The following SRPK1 variants were observed in gnomAD, a reference collection of about 807,000 sequenced individuals.
The protein encoded by SRPK1 is SFRS protein kinase 1.
A neutral mutation model predicts 89.5 loss-of-function variants in SRPK1; 52 were observed. The observed-to-expected ratio is 0.58, with a 90% CI of 0.46 to 0.73. The LOEUF (loss-of-function observed/expected upper bound fraction) is 0.73. SRPK1 is among the 30% of genes least tolerant of loss of function. The pLI, the probability that SRPK1 is intolerant of heterozygous loss-of-function variation, is 0.00. For missense variants in SRPK1, 603 were observed against 780.6 expected (o/e 0.77, Z 2.71); for synonymous variants, 255 against 270.2 (o/e 0.94, Z 0.55).
intron 15 of SRPK1, among the ~76,000 whole-genome samples, chr6:35,836,782 A>AATG (rs1769189102): frequency 6.7e-6 from 1 of 149,778 alleles, no homozygotes; most frequent in Admixed American, 6.7e-5. Context: ...TAATAATAAT[A>AATG]ATAATTTTTT....
intron 4 of SRPK1, among the ~76,000 whole-genome samples, chr6:35,888,371 A>G (rs936688756): frequency 6.6e-6 from 1 of 152,188 alleles, no homozygotes; most frequent in East Asian, 1.9e-4. Context: ...CTTCTTTTGA[A>G]TATCTCCCTG....
intron 2 of SRPK1, among the ~76,000 whole-genome samples, chr6:35,895,908 A>G (rs1770618506): frequency 6.6e-6 from 1 of 152,240 alleles, no homozygotes; most frequent in South Asian, 2.1e-4. Flanking sequence ...AGACAGCTGA[A>G]TAAGTAGAGA....
At position 35,835,216 on chromosome 6, in the gene SRPK1, C is replaced by T. The variant is rs1581984408; in HGVS notation, c.*88G>A. On this transcript the variant is annotated 3_prime_UTR_variant, in exon 16 of 16. Coordinates refer to ENST00000373825, the MANE Select transcript of SRPK1 (RefSeq NM_003137.5). ...GATCTAGAAACTCTTGAAGGAAGAGCTTCACCCTGAAAAGGGAAGAGGAAA... is the reference window on the plus strand; with the variant it reads ...GATCTAGAAACTCTTGAAGGAAGAGTTTCACCCTGAAAAGGGAAGAGGAAA... The T allele has an allele frequency of 1.3e-5, 15 of 1,164,370 alleles. No individual in the cohort carries two copies. The highest frequency in any genetic ancestry group is 3.0e-4 in the Middle Eastern group (1 of 3,360). The allele number at this position is 1,164,370 out of a possible 1,614,324, so 72.1% of individuals were successfully genotyped here. A position where few individuals can be genotyped will look rare whatever the true frequency, so the allele number is the denominator to read the frequency against.
chr6:35,886,872 A>G, intron 5 of SRPK1, 61 bp from the exon 6 acceptor site: 1 of 919,740 alleles, frequency 1.1e-6, no homozygotes, highest in Non-Finnish European at 1.8e-6. Context: ...ACCAGATGGT[A>G]GGGGAAGAAT....
At chr6:35,879,449 G>T (rs1770228596) in intron 6 of SRPK1, among the ~76,000 whole-genome samples, 1 of 152,090 alleles carries the variant, frequency 6.6e-6, no homozygotes, top group Non-Finnish European at 1.5e-5. Context: ...GAAAGGCTGA[G>T]GCAGGAGGAC....
At chr6:35,892,482 T>A (rs1248974627) in intron 2 of SRPK1, among the ~76,000 whole-genome samples, 2 of 152,018 alleles carry the variant, frequency 1.3e-5, no homozygotes, top group Admixed American at 1.3e-4. Context: ...AGAAACCCCA[T>A]CTCTATTAAA....
In SRPK1 at chr6:35,890,971, A is replaced by G; in HGVS notation, c.117T>C (p.Ser39=). Residue 39 remains serine, a synonymous_variant, in exon 3 of 16, where the codon AGT becomes AGC. Coordinates refer to ENST00000373825, the MANE Select transcript of SRPK1 (RefSeq NM_003137.5). ...QHRGSAPHSE[S]DLPEQEEEIL... is the part of the protein sequence containing the mutation. ...TCTCCTCTTCCTGCTCTGGTAGATC[A>G]CTCTCAGAGTGGGGAGCAGAGCCTC... The G allele has an allele frequency of 6.4e-7, 1 of 1,553,358 alleles. No individual in the cohort carries two copies. The highest frequency in any genetic ancestry group is 8.7e-7 in the Non-Finnish European group (1 of 1,147,338).
intron 6 of SRPK1, among the ~76,000 whole-genome samples, chr6:35,878,675 C>G (rs1005403003): frequency 2.0e-5 from 3 of 152,158 alleles, no homozygotes; most frequent in Admixed American, 6.5e-5. Context: ...TTGTAACCCC[C>G]CTCCATTGTT....
chr6:35,900,963 G>A (rs1770728172), intron 2 of SRPK1, among the ~76,000 whole-genome samples: 1 of 152,078 alleles, frequency 6.6e-6, no homozygotes, highest in Admixed American at 6.6e-5. Context: ...AGGCCAGCCT[G>A]AGCAACACAG....
At position 35,875,896 on chromosome 6, in the gene SRPK1, A is replaced by G. The variant is rs367644612; in HGVS notation, c.479-1557T>C. On this transcript the variant is annotated intron_variant, in intron 6 of 15. Transcript: ENST00000373825. ...CAAGTGATCAAACTTACTACCACCA[A>G]TGATAAGCACAAATTCACACCATGT... 2.6e-5 allele frequency among the ~76,000 whole-genome samples: 4 copies of G among 152,264 alleles called. No individual in the cohort carries two copies. The East Asian group carries it at 7.7e-4, about 29-fold the overall frequency.
Position 35,919,022 on chromosome 6 carries a change from T to C in SRPK1, c.74+1446A>G, listed in dbSNP as rs375149912. Among the ~76,000 whole-genome samples the C allele has an allele frequency of 1.6e-4, 25 of 152,346 alleles. No homozygotes were observed. In the East Asian group the frequency reaches 2.9e-3, roughly 18 times the overall value. On this transcript the variant is annotated intron_variant, in intron 2 of 15. Coordinates refer to ENST00000373825, the MANE Select transcript of SRPK1 (RefSeq NM_003137.5). ...CAATAGAAAAGAACGTTTTAACACA[T>C]TCTCATCAATTCCACAAAGAATAAC...
chr6:35,913,133 AC>A (rs1771008650), intron 2 of SRPK1, among the ~76,000 whole-genome samples: 1 of 152,218 alleles, frequency 6.6e-6, no homozygotes, highest in Middle Eastern at 3.2e-3. Context: ...TGGCACTTCA[AC>A]AAGTTGCTGG....
At chr6:35,887,360 A>G (rs1174392095) in intron 5 of SRPK1, among the ~76,000 whole-genome samples, 2 of 152,148 alleles carry the variant, frequency 1.3e-5, no homozygotes, top group African/African-American at 4.8e-5. Flanking sequence ...AGGAGTTGAA[A>G]ATAAAAAAGA....
In SRPK1 at chr6:35,833,015, A is replaced by C. The variant is rs1769095692; in HGVS notation, c.*2289T>G. ...AGAGCAATTTGGACAACAAATGAAC[A>C]GAGATTTTTGGAAACATGTAGGTTA... is the stretch of plus-strand genomic sequence containing the variant. On this transcript the variant is annotated 3_prime_UTR_variant, in exon 16 of 16. Transcript: ENST00000373825. The C allele has an allele frequency of 6.6e-6, 1 of 152,662 alleles. No homozygotes were observed. Among genetic ancestry groups the C allele is most frequent in the Non-Finnish European group, 1.5e-5 (1 of 68,052 alleles). The allele number at this position is 152,662 out of a possible 1,614,324, so 9.5% of individuals were successfully genotyped here.
Position 35,835,358 on chromosome 6 carries a change from A to C in SRPK1, c.1914T>G (p.Pro638=), listed in dbSNP as rs1376109943. 2 of 1,613,712 alleles carry C rather than the reference A, an allele frequency of 1.2e-6. No homozygotes were observed. The highest frequency in any genetic ancestry group is 2.7e-5 in the African/African-American group (2 of 74,928). ...ACTCGGCGGCAGTGGCTCTCTTCTC[A>C]GGGATCAGCTCCAACATGGGCAGTA... ...DFLLPMLELI[P]EKRATAAECL... Residue 638 remains proline, a synonymous_variant, in exon 16 of 16, where the codon CCT becomes CCG. Transcript: ENST00000373825.
chr6:35,872,498 C>T (rs539436522), intron 8 of SRPK1, 65 bp downstream of exon 8: 2 of 1,409,398 alleles, frequency 1.4e-6, no homozygotes, highest in Admixed American at 2.9e-5. Context: ...TCCCTGGTAA[C>T]AGAATAAAAA....
intron 12 of SRPK1, among the ~76,000 whole-genome samples, chr6:35,861,412 G>A (rs547118958): frequency 6.6e-6 from 1 of 152,282 alleles, no homozygotes; most frequent in South Asian, 2.1e-4. Flanking sequence ...GAGTCTAAGC[G>A]GCTTCAGCTG....
chr6:35,876,692 C>T (rs1770163400), intron 6 of SRPK1, among the ~76,000 whole-genome samples: 1 of 152,102 alleles, frequency 6.6e-6, no homozygotes, highest in African/African-American at 2.4e-5. Flanking sequence ...CTGCTTTAGC[C>T]AAGATGGAGT....
chr6:35,916,691 T>C (rs1452253337), intron 2 of SRPK1, among the ~76,000 whole-genome samples: 1 of 152,220 alleles, frequency 6.6e-6, no homozygotes, highest in Non-Finnish European at 1.5e-5. Flanking sequence ...CCAAACCAGC[T>C]TCCTAAGGTA....
Sources: gnomAD v4.1 joint callset for allele counts (sites outside exome capture counted in the v4.1 genomes callset) on GRCh38, gnomAD v4.1.1 for gene constraint, MANE v1.5 for transcripts, NCBI Gene and HGNC (gene_info 2026-07-23, HGNC 2026-07-21) for gene names.